Variants in VPS4B observed in about 807,000 individuals in gnomAD.
The protein encoded by VPS4B is vacuolar protein sorting-associated protein 4B.
A neutral mutation model predicts 56.1 loss-of-function variants in VPS4B; 23 were observed. The observed-to-expected ratio is 0.41, with a 90% confidence interval of 0.30 to 0.58. The LOEUF (loss-of-function observed/expected upper bound fraction) is 0.58. Ranked by LOEUF, VPS4B falls within the 20% of genes least tolerant of loss-of-function variation. The probability of loss-of-function intolerance (pLI) is 0.29; values close to 1 mark genes in which losing one functional copy is unlikely to be tolerated. For missense variants in VPS4B, 372 were observed against 531.9 expected, an observed-to-expected ratio of 0.70 and a Z score of 2.96; for synonymous variants, 177 against 186.0, an observed-to-expected ratio of 0.95 and a Z score of 0.39.
Position 63,397,065 on chromosome 18 carries a change from C to T in VPS4B, c.1061G>A (p.Arg354Lys). ...IVRDALMQPV[R>K]KVQSATHFKK... The stretch of plus-strand genomic sequence containing the variant: ...AAAATGAGTAGCTGACTGTACTTTC[C>T]TAACAGGCTGCATAAGGGCATCACG... The change falls in exon 9 of 11, where the codon AGG becomes AAG. Residue 354 changes from arginine to lysine, a missense_variant. This residue lies in a region of VPS4B where 153 missense variants were observed against 190.9 expected (regional missense o/e 0.80). Coordinates refer to ENST00000238497, the MANE Select transcript of VPS4B (RefSeq NM_004869.4). 6.2e-7 allele frequency: 1 copy of T among 1,613,902 alleles called. No homozygotes were observed. Among genetic ancestry groups the T allele is most frequent in the Non-Finnish European group, 8.5e-7 (1 of 1,179,986 alleles).
At chr18:63,422,016 C>T (rs1488353280) in intron 1 of VPS4B, among the ~76,000 whole-genome samples, 1 of 152,194 alleles carries the variant, frequency 6.6e-6, no homozygotes, top group African/African-American at 2.4e-5. Flanking sequence ...AAGAGTCTCA[C>T]AAAGCCAGTA....
At chr18:63,404,633 G>A (rs1182712316) in intron 4 of VPS4B, 1 of 152,078 alleles carries the variant, frequency 6.6e-6, no homozygotes, top group Non-Finnish European at 1.5e-5. Flanking sequence ...TTTATCAAAA[G>A]CTTTTCTAAT....
chr18:63,392,732 G>A (rs1915578668), intron 10 of VPS4B, among the ~76,000 whole-genome samples: 1 of 144,876 alleles, frequency 6.9e-6, no homozygotes, highest in Non-Finnish European at 1.5e-5. Context: ...ACAGGCATGA[G>A]CCACCGTACC....
intron 3 of VPS4B, among the ~76,000 whole-genome samples, chr18:63,409,718 T>C (rs1599363362): frequency 1.3e-5 from 2 of 152,258 alleles, no homozygotes; most frequent in Admixed American, 1.3e-4. Context: ...TGTTGTTTTC[T>C]TTACAATGAC....
chr18:63,410,531 C>G, intron 2 of VPS4B, 85 bp from the exon 3 acceptor site: 1 of 1,502,024 alleles, frequency 6.7e-7, no homozygotes, highest in South Asian at 1.2e-5. Context: ...TTTTTTCAGA[C>G]AAGGAAATTC....
Position 63,395,571 on chromosome 18 carries a change from A to T in VPS4B, c.1092+1463T>A, listed in dbSNP as rs191773364. On this transcript the variant is annotated intron_variant, in intron 9 of 10. Transcript: ENST00000238497. ...TTAATTCAAGCTTGTTAACTTAAAA[A>T]AATCTTATTATGGTACATGATAAAT... 9.8e-5 allele frequency among the ~76,000 whole-genome samples: 15 copies of T among 152,330 alleles called. No individual in the cohort carries two copies. The East Asian group carries it at 1.9e-3, about 20-fold the overall frequency.
At chr18:63,400,457 A>G (rs1220514588) in intron 6 of VPS4B, 90 bp downstream of exon 6, 34 of 1,354,858 alleles carry the variant, frequency 2.5e-5, no homozygotes, top group Non-Finnish European at 3.2e-5. Context: ...ACTTCTCTGA[A>G]TATCTATAAG....
rs146125394 is a variant in VPS4B, at chr18:63,402,857, G to A, written c.484+850C>T. On this transcript the variant is annotated intron_variant, in intron 5 of 10. Transcript: ENST00000238497. ...TTTGCTCTTCATCACTGCTCTATAC[G>A]ATACGACTGTCTGGACTCTTCAGTC... Among the ~76,000 whole-genome samples the A allele has an allele frequency of 1.3e-3, 193 of 152,230 alleles. 2 individuals are homozygous for A. Among genetic ancestry groups the A allele is most frequent in the African/African-American group, 4.5e-3 (188 of 41,536 alleles).
At chr18:63,399,793 T>C (rs1915770250) in intron 7 of VPS4B, among the ~76,000 whole-genome samples, 1 of 152,248 alleles carries the variant, frequency 6.6e-6, no homozygotes, top group Admixed American at 6.5e-5. Flanking sequence ...GGAGAAATTC[T>C]GCTTGAATTT....
intron 5 of VPS4B, among the ~76,000 whole-genome samples, chr18:63,403,123 T>C (rs1915848507): frequency 6.6e-6 from 1 of 152,240 alleles, no homozygotes; most frequent in Admixed American, 6.5e-5. Context: ...AATGTCCTTT[T>C]GCTACTAGAG....
In VPS4B at chr18:63,399,952, G is replaced by A. The variant is rs1449151234; in HGVS notation, c.790+96C>T. 5 of 1,146,534 alleles carry A rather than the reference G, an allele frequency of 4.4e-6. No individual in the cohort carries two copies. In the African/African-American group the frequency reaches 4.8e-5, roughly 11 times the overall value. The allele number at this position is 1,146,534 out of a possible 1,614,324, so 71.0% of individuals were successfully genotyped here. ...GAGAATTGCTTGAACCTGGGAGGTG[G>A]AGGTTGTAGTGAGCTGAGATCGCGC... On this transcript the variant is annotated intron_variant, in intron 7 of 10. Coordinates refer to ENST00000238497, the MANE Select transcript of VPS4B (RefSeq NM_004869.4).
chr18:63,391,708 CTT>C (rs1323377373), intron 10 of VPS4B, among the ~76,000 whole-genome samples: 1 of 152,160 alleles, frequency 6.6e-6, no homozygotes, highest in Non-Finnish European at 1.5e-5. Context: ...GGCCTTATCT[CTT>C]TTTCTTAAAC....
intron 1 of VPS4B, among the ~76,000 whole-genome samples, chr18:63,418,661 A>G (rs1916224587): frequency 1.3e-5 from 2 of 152,140 alleles, no homozygotes; most frequent in Admixed American, 1.3e-4. Flanking sequence ...CGGCCTCCCA[A>G]AACACTGGGA....
chr18:63,411,409 G>T, intron 2 of VPS4B, 58 bp downstream of exon 2: 1 of 1,231,412 alleles, frequency 8.1e-7, no homozygotes. Context: ...TTTTAGAAAT[G>T]AAACAGAATA....
chr18:63,397,071 G>A lies in VPS4B; in HGVS notation c.1055C>T (p.Pro352Leu). 1.2e-6 allele frequency: 2 copies of A among 1,613,682 alleles called. No homozygotes were observed. The highest frequency in any genetic ancestry group is 1.7e-6 in the Non-Finnish European group (2 of 1,179,986). ...AGTAGCTGACTGTACTTTCCTAACA[G>A]GCTGCATAAGGGCATCACGTACAAT... ...SIIVRDALMQ[P>L]VRKVQSATHF... Residue 352 changes from proline (P) to leucine (L), a missense_variant, in exon 9 of 11, where the codon CCT becomes CTT. Physicochemically the swap from Pro to Leu is moderately conservative, Grantham distance 98 (BLOSUM62 -3). Transcript: ENST00000238497.
At chr18:63,421,962 C>T (rs1021913767) in intron 1 of VPS4B, among the ~76,000 whole-genome samples, 4 of 152,208 alleles carry the variant, frequency 2.6e-5, no homozygotes, top group Admixed American at 2.6e-4. Flanking sequence ...AGAAACCTGC[C>T]CAGATCTTGG....
At chr18:63,415,803 T>A (rs1367933246) in intron 1 of VPS4B, 1 of 203,124 alleles carries the variant, frequency 4.9e-6, no homozygotes, top group Non-Finnish European at 1.0e-5. Context: ...CCCCGATGAA[T>A]TTCTATACAA....
intron 10 of VPS4B, 133 bp downstream of exon 10, chr18:63,393,275 AT>A (rs1391929119): frequency 1.2e-6 from 1 of 830,704 alleles, no homozygotes; most frequent in East Asian, 3.3e-5. Flanking sequence ...TAACTTCATA[AT>A]TTTTAATGAG....
At chr18:63,405,180 A>AG (rs1915889264) in intron 4 of VPS4B, among the ~76,000 whole-genome samples, 1 of 152,158 alleles carries the variant, frequency 6.6e-6, no homozygotes, top group African/African-American at 2.4e-5. Flanking sequence ...AAAATTAAAA[A>AG]GGGGGGATGG....
Sources: gnomAD v4.1 joint callset for allele counts (sites outside exome capture counted in the v4.1 genomes callset) on GRCh38, gnomAD v4.1.1 for gene constraint, gnomAD v4.1.1 regional missense constraint, MANE v1.5 for transcripts, NCBI Gene and HGNC (gene_info 2026-07-23, HGNC 2026-07-21) for gene names.